CRACD: variants seen among roughly 807,000 people sequenced by gnomAD.
The protein encoded by CRACD is capping protein-inhibiting regulator of actin dynamics.
A neutral mutation model predicts 106.8 loss-of-function variants in CRACD; 56 were observed. The observed-to-expected ratio is 0.52, with a 90% CI of 0.42 to 0.66. CRACD has a LOEUF of 0.66. CRACD is among the 30% of genes least tolerant of loss of function. The pLI is 0.00. For missense variants in CRACD, 1,730 were observed against 1,623.2 expected (o/e 1.07, Z -1.13); for synonymous variants, 754 against 670.8 (o/e 1.12, Z -1.92).
Position 56,112,997 on chromosome 4 carries a change from C to G in CRACD, c.-336+63698C>G, listed in dbSNP as rs189424608. 2.6e-5 allele frequency among the ~76,000 whole-genome samples: 4 copies of G among 152,154 alleles called. No individual in the cohort carries two copies. In the East Asian group the frequency reaches 7.7e-4, roughly 29 times the overall value. ...TTTTAAGACTTAAAAAAAAAAAATT[C>G]CCAGATAGACTTCAGTAGGCCTAAC... On this transcript the variant is annotated intron_variant, in intron 1 of 10. Transcript: ENST00000682029.
At chr4:56,241,845 G>T (rs1326785926) in intron 2 of CRACD, among the ~76,000 whole-genome samples, 1 of 152,210 alleles carries the variant, frequency 6.6e-6, no homozygotes, top group Non-Finnish European at 1.5e-5. Context: ...TGAGCCAGAG[G>T]GAGAAACTGA....
intron 1 of CRACD, among the ~76,000 whole-genome samples, chr4:56,175,028 G>A (rs1300694268): frequency 6.6e-6 from 1 of 152,114 alleles, no homozygotes; most frequent in Non-Finnish European, 1.5e-5. Flanking sequence ...CAGCATGGGG[G>A]AAATCCATCC....
In CRACD at chr4:56,315,956, C is replaced by T; in HGVS notation, c.2454C>T (p.Thr818=). 1.2e-6 allele frequency: 2 copies of T among 1,614,224 alleles called. No individual in the cohort carries two copies. The highest frequency in any genetic ancestry group is 1.1e-5 in the South Asian group (1 of 91,088). ...QKVVAHTEFT[T]SSDSETANGI... ...TGGTGGCCCACACAGAGTTCACGAC[C>T]TCGTCGGACAGCGAGACTGCAAACG... Residue 818 remains threonine (T), a synonymous_variant, in exon 8 of 11, where the codon ACC becomes ACT. Coordinates refer to ENST00000682029, the MANE Select transcript of CRACD (RefSeq NM_001393381.1). This position sits in a 1 kb window ranked among gnomAD's most constrained non-coding sequence, Gnocchi z 4.1.
intron 2 of CRACD, among the ~76,000 whole-genome samples, chr4:56,262,368 G>A (rs548345585): frequency 6.6e-6 from 1 of 152,288 alleles, no homozygotes; most frequent in African/African-American, 2.4e-5. Flanking sequence ...ACACACTTCG[G>A]TTCAGCTGGG....
At chr4:56,078,030 C>A (rs927298632) in intron 1 of CRACD, among the ~76,000 whole-genome samples, 1 of 152,028 alleles carries the variant, frequency 6.6e-6, no homozygotes, top group African/African-American at 2.4e-5. Flanking sequence ...TGAATATGTA[C>A]GTGATAAAAG....
chr4:56,220,496 C>T (rs1332734409), intron 2 of CRACD, among the ~76,000 whole-genome samples: 1 of 152,146 alleles, frequency 6.6e-6, no homozygotes, highest in East Asian at 1.9e-4. Context: ...GTACAAGCCT[C>T]CCTGCAGCTG....
At chr4:56,100,722 C>G (rs1733751109) in intron 1 of CRACD, among the ~76,000 whole-genome samples, 2 of 152,140 alleles carry the variant, frequency 1.3e-5, no homozygotes, top group South Asian at 4.1e-4. Context: ...GAGAAGATGG[C>G]CTTCTGTAAG....
rs1553915653 is a variant in CRACD, at chr4:56,267,124, GT to G, written c.-188-5183del. Reference sequence around the variant, plus strand: ...TAAATACACTTTTAAATTTATTTAAGTTTTTTTTTTTTTTGAGACGGAGTCT... The same window carrying G: ...TAAATACACTTTTAAATTTATTTAAGTTTTTTTTTTTTTGAGACGGAGTCT... On this transcript the variant is annotated intron_variant, in intron 2 of 10. Coordinates refer to ENST00000682029, the MANE Select transcript of CRACD (RefSeq NM_001393381.1). 1.4e-3 allele frequency among the ~76,000 whole-genome samples: 213 copies of G among 149,258 alleles called. 3 individuals are homozygous for G. Among genetic ancestry groups the G allele is most frequent in the African/African-American group, 4.5e-3 (184 of 40,872 alleles).
At chr4:56,251,040 G>T (rs540456449) in intron 2 of CRACD, among the ~76,000 whole-genome samples, 1 of 152,218 alleles carries the variant, frequency 6.6e-6, no homozygotes, top group Admixed American at 6.5e-5. Flanking sequence ...ATGAAGGAGC[G>T]CAATATAGTG....
rs151096933 is a variant in CRACD at position 56,093,589 on chromosome 4, G to A, written c.-336+44290G>A. Among the ~76,000 whole-genome samples the A allele has an allele frequency of 2.2e-3, 340 of 152,206 alleles. 1 individual carries two copies. The highest frequency in any genetic ancestry group is 0.01 in the Middle Eastern group (3 of 294). ...TTTAAAGGCTGTCATCTTCTTCCAC[G>A]AGGTAGGCGAGTCCTGCCACTGAAA... On this transcript the variant is annotated intron_variant, in intron 1 of 10. Transcript: ENST00000682029.
chr4:56,224,373 A>G (rs1308227141), intron 2 of CRACD, among the ~76,000 whole-genome samples: 1 of 152,090 alleles, frequency 6.6e-6, no homozygotes, highest in Non-Finnish European at 1.5e-5. Context: ...CTTTTCATCC[A>G]TTATATCTTC....
chr4:56,097,987 G>T (rs1733652778), intron 1 of CRACD, among the ~76,000 whole-genome samples: 1 of 152,126 alleles, frequency 6.6e-6, no homozygotes, highest in Admixed American at 6.5e-5. Context: ...AAAAAAAATT[G>T]GTATGTATTT....
Position 56,214,681 on chromosome 4 carries a change from C to CTCTCTCTCTCTCTATATATA in CRACD, c.-189+35252_-189+35253insCTCTCTCTCTCTATATATAT. The stretch of plus-strand genomic sequence containing the variant: ...TCTCTCTCTCTCTCTCTCTCTCTCT[C>CTCTCTCTCTCTCTATATATA]TATATATATATATATCAAACAGTTA... On this transcript the variant is annotated intron_variant, in intron 2 of 10. Transcript: ENST00000682029. Among the ~76,000 whole-genome samples, 105 of 80,984 alleles carry CTCTCTCTCTCTCTATATATA rather than the reference C, an allele frequency of 1.3e-3. 1 individual carries two copies. Among genetic ancestry groups the CTCTCTCTCTCTCTATATATA allele is most frequent in the African/African-American group, 4.3e-3 (100 of 23,478 alleles). The allele number at this position is 80,984 out of a possible 152,430, so 53.1% of individuals were successfully genotyped here.
chr4:56,222,985 A>G (rs1162669389), intron 2 of CRACD, among the ~76,000 whole-genome samples: 1 of 151,866 alleles, frequency 6.6e-6, no homozygotes, highest in Non-Finnish European at 1.5e-5. Flanking sequence ...AAACAAACAA[A>G]CAAAAAAATT....
chr4:56,122,309 CA>C (rs33942884), intron 1 of CRACD, among the ~76,000 whole-genome samples: 36,730 of 109,314 alleles, frequency 0.34, 4,664 homozygotes, highest in African/African-American at 0.43. Flanking sequence ...AATTGTAGAC[CA>C]AAAAAAAAAA....
At chr4:56,283,391 C>T (rs1743144908) in intron 3 of CRACD, among the ~76,000 whole-genome samples, 1 of 152,180 alleles carries the variant, frequency 6.6e-6, no homozygotes, top group South Asian at 2.1e-4. Context: ...CTTCTCAAGT[C>T]AAGGTGACTC....
At chr4:56,180,593 G>A (rs1201639483) in intron 2 of CRACD, among the ~76,000 whole-genome samples, 1 of 152,146 alleles carries the variant, frequency 6.6e-6, no homozygotes, top group Non-Finnish European at 1.5e-5. Context: ...CTTTTTGTAA[G>A]TTGTGGGAAG....
At chr4:56,192,404 A>G (rs1234262137) in intron 2 of CRACD, among the ~76,000 whole-genome samples, 2 of 152,142 alleles carry the variant, frequency 1.3e-5, no homozygotes, top group African/African-American at 4.8e-5. Context: ...CAAAAAAAAA[A>G]AAAGAAAGTA....
chr4:56,166,407 A>G (rs908608255), intron 1 of CRACD, among the ~76,000 whole-genome samples: 1 of 152,094 alleles, frequency 6.6e-6, no homozygotes, highest in African/African-American at 2.4e-5. Context: ...TTGGCTGGGT[A>G]TGGTGGCTTA....
Sources: gnomAD v4.1 joint callset for allele counts (sites outside exome capture counted in the v4.1 genomes callset) on GRCh38, gnomAD v4.1.1 for gene constraint, Gnocchi (gnomAD v3.1) non-coding constraint, MANE v1.5 for transcripts, NCBI Gene and HGNC (gene_info 2026-07-23, HGNC 2026-07-21) for gene names.